Variants in PRKAR1A observed in about 807,000 individuals in gnomAD.
The protein encoded by PRKAR1A is cAMP-dependent protein kinase type I-alpha regulatory subunit.
A neutral mutation model predicts 52.0 loss-of-function variants in PRKAR1A; 3 were observed. The ratio of observed to expected loss-of-function variants is 0.06; its 90% CI spans 0.03 to 0.15. PRKAR1A has a LOEUF of 0.15. Ranked by LOEUF, PRKAR1A falls within the 10% of genes least tolerant of loss-of-function variation. The pLI is 1.00. For missense variants in PRKAR1A, 240 were observed against 477.4 expected, an observed-to-expected ratio of 0.50 and a Z score of 4.63; for synonymous variants, 188 against 168.4, an observed-to-expected ratio of 1.12 and a Z score of -0.90.
the PRKAR1A span, among the ~76,000 whole-genome samples, chr17:68,438,773 G>A: frequency 6.6e-6 from 1 of 152,086 alleles, no homozygotes; most frequent in Non-Finnish European, 1.5e-5. Flanking sequence ...GCTAATTTTT[G>A]TATTTTCAGT....
the PRKAR1A span, among the ~76,000 whole-genome samples, chr17:68,422,961 C>A: frequency 6.6e-6 from 1 of 152,052 alleles, no homozygotes; most frequent in Non-Finnish European, 1.5e-5. Context: ...AAGTAAATCC[C>A]AAGGAGGCAA....
intron 2 of PRKAR1A, among the ~76,000 whole-genome samples, chr17:68,519,309 A>C (rs2085530336): frequency 6.6e-6 from 1 of 152,190 alleles, no homozygotes; most frequent in Non-Finnish European, 1.5e-5. Context: ...ACAGTTCCTC[A>C]TGGCTGGGCA....
chr17:68,426,253 G>GGGGGT, the PRKAR1A span: 2 of 841,006 alleles, frequency 2.4e-6, no homozygotes, highest in Admixed American at 2.3e-5. Flanking sequence ...GGGGAGCGGG[G>GGGGGT]GCTCAAATAA....
chr17:68,545,564 A>G (rs1397109603), intron 11 of PRKAR1A, among the ~76,000 whole-genome samples: 4 of 152,204 alleles, frequency 2.6e-5, no homozygotes, highest in Non-Finnish European at 4.4e-5. Context: ...CTTTTTGCTG[A>G]CTGACTGGGG....
the PRKAR1A span, chr17:68,450,648 T>C: frequency 6.7e-7 from 1 of 1,503,412 alleles, no homozygotes. Flanking sequence ...TTTACAGACA[T>C]TGATCTTGAA....
At chr17:68,495,050 C>CT in the PRKAR1A span, among the ~76,000 whole-genome samples, 5 of 151,898 alleles carry the variant, frequency 3.3e-5, no homozygotes, top group African/African-American at 4.8e-5. Flanking sequence ...ATCTCAGGCT[C>CT]TTTTTTTTGA....
At chr17:68,483,249 G>A in the PRKAR1A span, among the ~76,000 whole-genome samples, 2 of 152,108 alleles carry the variant, frequency 1.3e-5, no homozygotes, top group Admixed American at 6.5e-5. Context: ...GGGAGGCAGA[G>A]GTGGGTGAAT....
chr17:68,544,043 C>A (rs919200299), intron 11 of PRKAR1A, among the ~76,000 whole-genome samples: 7 of 152,132 alleles, frequency 4.6e-5, no homozygotes, highest in African/African-American at 1.7e-4. Flanking sequence ...AGACATTCTT[C>A]TGCAGGTATA....
the PRKAR1A span, among the ~76,000 whole-genome samples, chr17:68,491,105 T>TTC: frequency 6.6e-6 from 1 of 151,824 alleles, no homozygotes; most frequent in Non-Finnish European, 1.5e-5. Context: ...TTTTTTTTTT[T>TTC]TTTTGAGACA....
chr17:68,495,825 G>T, the PRKAR1A span, among the ~76,000 whole-genome samples: 1 of 150,870 alleles, frequency 6.6e-6, no homozygotes, highest in Non-Finnish European at 1.5e-5. Flanking sequence ...CAAGATGTTG[G>T]CAGGGCTGCA....
the PRKAR1A span, chr17:68,435,742 ATGC>A: frequency 4.4e-6 from 7 of 1,603,092 alleles, no homozygotes; most frequent in Non-Finnish European, 5.1e-6. Flanking sequence ...ATGGATACAG[ATGC>A]TGCGGAGGAG....
chr17:68,436,172 G>A, the PRKAR1A span, among the ~76,000 whole-genome samples: 1 of 152,222 alleles, frequency 6.6e-6, no homozygotes. Context: ...TGCTGCAGAT[G>A]TCTAACTTGG....
chr17:68,416,367 G>C, the PRKAR1A span, among the ~76,000 whole-genome samples: 13 of 152,192 alleles, frequency 8.5e-5, no homozygotes, highest in Non-Finnish European at 1.9e-4. Flanking sequence ...TAGCTTGTAG[G>C]GTATCTGCTG....
the PRKAR1A span, among the ~76,000 whole-genome samples, chr17:68,493,023 T>C: frequency 7.2e-5 from 11 of 151,932 alleles, no homozygotes; most frequent in Non-Finnish European, 1.6e-4. Context: ...TTTGGGTATA[T>C]ACCCAGTGAT....
intron 11 of PRKAR1A, among the ~76,000 whole-genome samples, chr17:68,545,963 A>G (rs1394141672): frequency 3.3e-5 from 5 of 152,100 alleles, no homozygotes; most frequent in Admixed American, 2.0e-4. Context: ...AGGTCAGGTG[A>G]TTGAGACCAT....
the PRKAR1A span, among the ~76,000 whole-genome samples, chr17:68,461,244 T>A: frequency 6.6e-6 from 1 of 152,154 alleles, no homozygotes. This position sits in a 1 kb window ranked among gnomAD's most constrained non-coding sequence, Gnocchi z 4.6. Flanking sequence ...GAAAACTTAC[T>A]CGTAAGTAAC....
chr17:68,521,803 T>G (rs914479152), intron 2 of PRKAR1A, among the ~76,000 whole-genome samples: 1 of 152,232 alleles, frequency 6.6e-6, no homozygotes, highest in Non-Finnish European at 1.5e-5. Context: ...CTTACAAATT[T>G]ATATATAGAA....
At chr17:68,536,890 T>C, downstream of PRKAR1A, 1 of 454,162 alleles carries the variant, frequency 2.2e-6, no homozygotes, top group South Asian at 1.6e-5. Context: ...TGTTATAATA[T>C]CTCTAAGAAG....
At position 68,523,979 on chromosome 17, in the gene PRKAR1A, A is replaced by G. The variant is rs200383957; in HGVS notation, c.441-37A>G. ...AATGTTTGAAATTCACGGAAGAGACATGTGAAATGTAACACGAGGCCTTCT... is the reference window on the plus strand; with the variant it reads ...AATGTTTGAAATTCACGGAAGAGACGTGTGAAATGTAACACGAGGCCTTCT... On this transcript the variant is annotated intron_variant, in intron 4 of 10. Transcript: ENST00000589228. The G allele has an allele frequency of 1.5e-4, 241 of 1,609,484 alleles. 3 individuals are homozygous for G. The South Asian group carries it at 2.5e-3, about 17-fold the overall frequency.
Sources: gnomAD v4.1 joint callset for allele counts (sites outside exome capture counted in the v4.1 genomes callset) on GRCh38, gnomAD v4.1.1 for gene constraint, Gnocchi (gnomAD v3.1) non-coding constraint, MANE v1.5 for transcripts, NCBI Gene and HGNC (gene_info 2026-07-23, HGNC 2026-07-21) for gene names.